The following CAMK2D variants were observed in gnomAD, a reference collection of about 807,000 sequenced individuals.
The protein encoded by CAMK2D is calcium/calmodulin dependent protein kinase II delta.
CAMK2D carries 37 observed loss-of-function variants against 84.0 expected under a neutral mutation model. The ratio of observed to expected loss-of-function variants is 0.44; its 90% CI spans 0.34 to 0.58. CAMK2D has a LOEUF of 0.58. CAMK2D is among the 20% of genes least tolerant of loss of function. The probability of loss-of-function intolerance (pLI) is 0.02; values close to 1 mark genes in which losing one functional copy is unlikely to be tolerated. For missense variants in CAMK2D, 448 were observed against 652.5 expected, an observed-to-expected ratio of 0.69 and a Z score of 3.41; for synonymous variants, 202 against 212.5, an observed-to-expected ratio of 0.95 and a Z score of 0.43.
chr4:113,606,007 G>C (rs1181659091), intron 4 of CAMK2D, among the ~76,000 whole-genome samples: 1 of 152,142 alleles, frequency 6.6e-6, no homozygotes, highest in African/African-American at 2.4e-5. Context: ...TAACAATGCT[G>C]TCAGAATTAT....
At position 113,515,111 on chromosome 4, in the gene CAMK2D, T is replaced by C; in HGVS notation, c.777A>G (p.Lys259=). 1.9e-6 allele frequency: 3 copies of C among 1,613,458 alleles called. No homozygotes were observed. Among genetic ancestry groups the C allele is most frequent in the South Asian group, 1.1e-5 (1 of 91,070 alleles). ...INKMLTINPA[K]RITASEALKH... ...TCAGTGCCTCTGAGGCTGTGATGCG[T>C]TTGGCAGGGTTGATAGTAAGCATTT... is the stretch of plus-strand genomic sequence containing the variant. The change falls in exon 10 of 21, where the codon AAA becomes AAG. Residue 259 remains lysine (K), a synonymous_variant. Transcript: ENST00000511664.
At chr4:113,664,780 T>C (rs2154317308) in intron 2 of CAMK2D, among the ~76,000 whole-genome samples, 1 of 151,820 alleles carries the variant, frequency 6.6e-6, no homozygotes, top group East Asian at 1.9e-4. Flanking sequence ...TATTAGGGCA[T>C]CTTAGAATTT....
intron 2 of CAMK2D, among the ~76,000 whole-genome samples, chr4:113,732,769 T>C (rs2099572222): frequency 6.6e-6 from 1 of 152,098 alleles, no homozygotes. Context: ...TTTCTATAGC[T>C]CCTCTGACTC....
At chr4:113,601,351 T>C (rs1295121580) in intron 4 of CAMK2D, among the ~76,000 whole-genome samples, 1 of 152,208 alleles carries the variant, frequency 6.6e-6, no homozygotes, top group Non-Finnish European at 1.5e-5. Context: ...TGTTCTTCCT[T>C]AAAAAATATA....
intron 6 of CAMK2D, among the ~76,000 whole-genome samples, chr4:113,538,339 T>C (rs2098507442): frequency 6.6e-6 from 1 of 152,156 alleles, no homozygotes; most frequent in African/African-American, 2.4e-5. Context: ...AGTCTTCAAT[T>C]TCCATGAATC....
intron 16 of CAMK2D, among the ~76,000 whole-genome samples, chr4:113,468,312 T>C (rs937149166): frequency 2.0e-5 from 3 of 152,154 alleles, no homozygotes; most frequent in African/African-American, 7.2e-5. Context: ...TTAGAAACGA[T>C]GGTGCTTTTG....
chr4:113,551,102 C>T (rs1245154204), intron 5 of CAMK2D, among the ~76,000 whole-genome samples: 3 of 152,116 alleles, frequency 2.0e-5, no homozygotes, highest in African/African-American at 7.2e-5. Context: ...ATCTCATTTA[C>T]ATTGCTAATA....
intron 2 of CAMK2D, among the ~76,000 whole-genome samples, chr4:113,743,627 C>G (rs940294823): frequency 9.2e-5 from 14 of 152,112 alleles, no homozygotes; most frequent in Admixed American, 8.5e-4. Context: ...ATTCATTTTC[C>G]CCAAGCTTAT....
In CAMK2D at chr4:113,470,827, T is replaced by C. The variant is rs1202069957; in HGVS notation, c.1136-5223A>G. On this transcript the variant is annotated intron_variant, in intron 16 of 20. Coordinates refer to ENST00000511664, the MANE Select transcript of CAMK2D (RefSeq NM_001321571.2). ...ACTCTAGAAGGGTGGTACTGCACCA[T>C]TGCATCTCTAGCAGATAACACAGTG... Among the ~76,000 whole-genome samples the C allele has an allele frequency of 7.9e-5, 12 of 152,170 alleles. 1 individual carries two copies. Among genetic ancestry groups the C allele is most frequent in the Admixed American group, 7.9e-4 (12 of 15,276 alleles).
intron 4 of CAMK2D, among the ~76,000 whole-genome samples, chr4:113,593,050 C>T (rs797008247): frequency 1.3e-5 from 2 of 151,968 alleles, no homozygotes; most frequent in African/African-American, 2.4e-5. Context: ...GATTGGGTTT[C>T]GCCATCTTGG....
chr4:113,702,595 T>G (rs1454996979), intron 2 of CAMK2D, among the ~76,000 whole-genome samples: 2 of 152,186 alleles, frequency 1.3e-5, no homozygotes. Flanking sequence ...AAAAATATTC[T>G]TATTTCAACA....
intron 2 of CAMK2D, among the ~76,000 whole-genome samples, chr4:113,746,977 A>C (rs1008057945): frequency 1.4e-5 from 2 of 145,616 alleles, no homozygotes; most frequent in Non-Finnish European, 3.0e-5. Flanking sequence ...TACCATTAAT[A>C]ATATATATAT....
At chr4:113,754,339 G>C in intron 2 of CAMK2D, 1 of 982,570 alleles carries the variant, frequency 1.0e-6, no homozygotes, top group Non-Finnish European at 1.2e-6. Flanking sequence ...GCCCAAGGAA[G>C]ACTTTAAAAA....
chr4:113,630,337 A>G (rs2099084380), intron 3 of CAMK2D, among the ~76,000 whole-genome samples: 1 of 152,188 alleles, frequency 6.6e-6, no homozygotes, highest in Non-Finnish European at 1.5e-5. Context: ...ACTAAAATTA[A>G]TGAATTATTA....
intron 12 of CAMK2D, 46 bp downstream of exon 12, chr4:113,513,281 TA>T: frequency 6.3e-7 from 1 of 1,594,282 alleles, no homozygotes; most frequent in Non-Finnish European, 8.5e-7. Flanking sequence ...AGAGACTACT[TA>T]AAAAGAAGAC....
In CAMK2D at chr4:113,761,612, C is replaced by A; in HGVS notation, c.-544G>T. ...GGCGCGGGGCGCGCCGGGGCTCCGA[C>A]GAGCGTGCGCGCCCGAGGCCGGCTT... is the stretch of plus-strand genomic sequence containing the variant. On this transcript the variant is annotated 5_prime_UTR_variant, in exon 1 of 21. Transcript: ENST00000511664. 3.0e-6 allele frequency: 3 copies of A among 985,108 alleles called. No homozygotes were observed. The highest frequency in any genetic ancestry group is 3.6e-6 in the Non-Finnish European group (3 of 829,832). 61.0% of individuals were successfully genotyped at this position (985,108 alleles called of 1,614,324 possible). A position where few individuals can be genotyped will look rare whatever the true frequency, so the allele number is the denominator to read the frequency against.
chr4:113,512,872 A>G (rs1273733808), intron 12 of CAMK2D, among the ~76,000 whole-genome samples: 2 of 152,234 alleles, frequency 1.3e-5, no homozygotes, highest in Non-Finnish European at 2.9e-5. Context: ...CGCCCGGCCA[A>G]TAATGGTCTT....
intron 3 of CAMK2D, among the ~76,000 whole-genome samples, chr4:113,635,827 A>C (rs2099107958): frequency 1.3e-5 from 2 of 152,224 alleles, no homozygotes. Context: ...GAGAATGACC[A>C]ATGTAGAAAG....
At chr4:113,513,983 G>A (rs2098251945) in intron 10 of CAMK2D, 70 bp from the exon 11 acceptor site, 2 of 677,112 alleles carry the variant, frequency 3.0e-6, no homozygotes, top group African/African-American at 1.9e-5. Context: ...TAATGTCCCT[G>A]ACTTCATCAA....
Sources: allele counts gnomAD v4.1 joint callset (sites outside exome capture counted in the v4.1 genomes callset), GRCh38; gene constraint gnomAD v4.1.1; transcripts MANE v1.5; gene names NCBI Gene and HGNC (gene_info 2026-07-23, HGNC 2026-07-21).